DAB1: variants seen among roughly 807,000 people sequenced by gnomAD.
DAB1 encodes the protein disabled homolog 1.
A neutral mutation model predicts 64.6 loss-of-function variants in DAB1; 15 were observed. That is an observed-to-expected ratio of 0.23 (90% CI 0.16 to 0.36). DAB1 has a LOEUF of 0.36. Among genes scored for constraint, DAB1 ranks in the 10% least tolerant of loss-of-function variants. The pLI, the probability that DAB1 is intolerant of heterozygous loss-of-function variation, is 1.00. For missense variants in DAB1, 596 were observed against 706.7 expected (o/e 0.84, Z 1.78); for synonymous variants, 235 against 251.9 (o/e 0.93, Z 0.64).
intron 9 of DAB1, among the ~76,000 whole-genome samples, chr1:57,034,400 T>C (rs1647068530): frequency 1.3e-5 from 2 of 152,046 alleles, no homozygotes; most frequent in African/African-American, 4.8e-5. Context: ...TGAATTGAAA[T>C]CCTCCTGAGT....
chr1:58,363,608 A>G (rs1465527597), intron 3 of DAB1, among the ~76,000 whole-genome samples: 1 of 152,200 alleles, frequency 6.6e-6, no homozygotes, highest in Non-Finnish European at 1.5e-5. Flanking sequence ...GCAGCCAATC[A>G]CCAATTATTT....
intron 6 of DAB1, among the ~76,000 whole-genome samples, chr1:57,808,024 T>C (rs1236806468): frequency 6.6e-6 from 1 of 152,162 alleles, no homozygotes; most frequent in Non-Finnish European, 1.5e-5. Context: ...TGGTCAAAAG[T>C]GGCTATTAGT....
intron 5 of DAB1, among the ~76,000 whole-genome samples, chr1:57,983,805 A>T (rs1290389295): frequency 6.6e-6 from 1 of 152,156 alleles, no homozygotes; most frequent in Non-Finnish European, 1.5e-5. Flanking sequence ...AGCAATCCTC[A>T]GTCAAGTACT....
rs544187457 is a variant in DAB1 at position 57,970,475 on chromosome 1, C to A, written n.388-86313G>T. 1.6e-4 allele frequency among the ~76,000 whole-genome samples: 24 copies of A among 152,142 alleles called. No homozygotes were observed. In the East Asian group the frequency reaches 4.3e-3, roughly 27 times the overall value. The stretch of plus-strand genomic sequence containing the variant: ...GGCTCCTTGCTGGGATATTCTGAAG[C>A]CACAATCAAATCTTTAATTTAAAAC... On this transcript the variant is annotated intron_variant and non_coding_transcript_variant, in intron 5 of 20. Transcript: ENST00000485760.
intron 2 of DAB1, among the ~76,000 whole-genome samples, chr1:57,182,315 T>C (rs1663055796): frequency 6.6e-6 from 1 of 152,218 alleles, no homozygotes; most frequent in Admixed American, 6.5e-5. Flanking sequence ...ACTTGTATGT[T>C]ATCAGTAATG....
chr1:57,680,290 G>A (rs1008236692), intron 6 of DAB1, among the ~76,000 whole-genome samples: 1 of 152,178 alleles, frequency 6.6e-6, no homozygotes, highest in Non-Finnish European at 1.5e-5. Context: ...TGGTGTATTA[G>A]TTTTCTACTG....
intron 5 of DAB1, among the ~76,000 whole-genome samples, chr1:58,060,861 G>A (rs370229909): frequency 6.6e-5 from 10 of 152,334 alleles, no homozygotes; most frequent in Non-Finnish European, 8.8e-5. Context: ...ACATTACAAC[G>A]TGGAACATCT....
intron 6 of DAB1, among the ~76,000 whole-genome samples, chr1:57,773,827 A>G (rs549069417): frequency 6.6e-6 from 1 of 151,996 alleles, no homozygotes; most frequent in Non-Finnish European, 1.5e-5. Flanking sequence ...GTGTGGGTCT[A>G]TTTCAGGAAT....
chr1:57,298,061 C>G (rs1049910404), intron 1 of DAB1, among the ~76,000 whole-genome samples: 13 of 152,180 alleles, frequency 8.5e-5, no homozygotes, highest in Non-Finnish European at 4.4e-5. Context: ...CCTAAGTAGG[C>G]CTTTTGTAGA....
At chr1:57,484,078 A>T (rs1011091780) in intron 7 of DAB1, among the ~76,000 whole-genome samples, 5 of 152,132 alleles carry the variant, frequency 3.3e-5, no homozygotes, top group African/African-American at 1.2e-4. Flanking sequence ...AAGAAGTGAA[A>T]GTGCATGCTA....
chr1:57,713,270 G>A (rs1016800759), intron 6 of DAB1, among the ~76,000 whole-genome samples: 5 of 152,286 alleles, frequency 3.3e-5, no homozygotes, highest in Admixed American at 3.3e-4. Context: ...ATAACCTAAG[G>A]ATGAAGGCTT....
chr1:57,542,204 G>T (rs937598562), intron 7 of DAB1, among the ~76,000 whole-genome samples: 2 of 152,076 alleles, frequency 1.3e-5, no homozygotes, highest in Non-Finnish European at 2.9e-5. Flanking sequence ...ATTCATAAGT[G>T]TTGTTTATCT....
intron 6 of DAB1, among the ~76,000 whole-genome samples, chr1:57,663,201 G>A (rs1190544488): frequency 6.6e-6 from 1 of 152,132 alleles, no homozygotes; most frequent in Non-Finnish European, 1.5e-5. Context: ...AGAGAAGGGG[G>A]AGGTGCCACA....
At chr1:58,240,064 C>T (rs775684852) in intron 4 of DAB1, among the ~76,000 whole-genome samples, 1 of 152,126 alleles carries the variant, frequency 6.6e-6, no homozygotes, top group Non-Finnish European at 1.5e-5. Flanking sequence ...GCCTTGCACT[C>T]CATCTTACAA....
chr1:57,587,268 C>CATCT (rs1360382247), intron 7 of DAB1, among the ~76,000 whole-genome samples: 1 of 152,170 alleles, frequency 6.6e-6, no homozygotes, highest in Non-Finnish European at 1.5e-5. Context: ...AGGCTAGCAA[C>CATCT]ATCTACAGGG....
upstream of DAB1, among the ~76,000 whole-genome samples, chr1:57,887,382 T>C (rs182848416): frequency 1.1e-4 from 16 of 152,280 alleles, no homozygotes; most frequent in Admixed American, 2.6e-4. Context: ...AATGAATAAA[T>C]TGATGAATTA....
At chr1:57,439,431 T>C (rs1049949477) in intron 7 of DAB1, among the ~76,000 whole-genome samples, 7 of 125,174 alleles carry the variant, frequency 5.6e-5, no homozygotes, top group East Asian at 3.7e-4. Flanking sequence ...TTTTCTTTTT[T>C]TTTTTTTTTT....
chr1:57,212,984 G>A (rs1294394322), intron 2 of DAB1, among the ~76,000 whole-genome samples: 7 of 152,158 alleles, frequency 4.6e-5, no homozygotes, highest in South Asian at 2.1e-4. Flanking sequence ...GCACAGAGGC[G>A]TGCTATGGTG....
chr1:58,146,229 G>C (rs956161045), intron 5 of DAB1, among the ~76,000 whole-genome samples: 1 of 152,084 alleles, frequency 6.6e-6, no homozygotes, highest in Non-Finnish European at 1.5e-5. Context: ...TTGACTTCAT[G>C]GGGGGTTGGC....
Sources: allele counts gnomAD v4.1 joint callset (sites outside exome capture counted in the v4.1 genomes callset), GRCh38; gene constraint gnomAD v4.1.1; transcripts MANE v1.5; gene names NCBI Gene and HGNC (gene_info 2026-07-23, HGNC 2026-07-21).